Variants in KCNIP4 observed in about 807,000 individuals in gnomAD.
The protein encoded by KCNIP4 is potassium voltage-gated channel interacting protein 4.
Under a neutral mutation model 34.0 loss-of-function variants are expected in KCNIP4, and 12 were observed. The ratio of observed to expected loss-of-function variants is 0.35; its 90% CI spans 0.23 to 0.57. The LOEUF is 0.57. KCNIP4 is among the 20% of genes least tolerant of loss of function. KCNIP4 has a pLI of 0.83. For missense variants in KCNIP4, 238 were observed against 311.7 expected (o/e 0.76, Z 1.78); for synonymous variants, 124 against 102.2 (o/e 1.21, Z -1.29).
At chr4:21,636,371 A>C (rs186014702) in intron 1 of KCNIP4, among the ~76,000 whole-genome samples, 22 of 152,300 alleles carry the variant, frequency 1.4e-4, no homozygotes, top group Non-Finnish European at 2.5e-4. Context: ...AACTACTGCC[A>C]AGAAACGGAA....
chr4:20,993,693 C>CT (rs201665217), intron 1 of KCNIP4, among the ~76,000 whole-genome samples: 1,526 of 152,322 alleles, frequency 0.01, 28 homozygotes, highest in African/African-American at 0.034. Flanking sequence ...TTATTGTACC[C>CT]ATTACTATAA....
intron 1 of KCNIP4, among the ~76,000 whole-genome samples, chr4:21,418,546 CAG>C (rs1201344931): frequency 6.6e-6 from 1 of 152,050 alleles, no homozygotes; most frequent in Non-Finnish European, 1.5e-5. Context: ...TTATGAAACA[CAG>C]AGATTATATA....
rs111968781 is a variant in KCNIP4, at chr4:21,658,749, G to A, written c.61+289822C>T. Among the ~76,000 whole-genome samples, 993 of 152,184 alleles carry A rather than the reference G, an allele frequency of 6.5e-3. 11 individuals are homozygous for A. The highest frequency in any genetic ancestry group is 0.023 in the African/African-American group (951 of 41,524). On this transcript the variant is annotated intron_variant, in intron 1 of 8. Coordinates refer to ENST00000382152, the MANE Select transcript of KCNIP4 (RefSeq NM_025221.6). ...CAACACACTTTGGTTTTGATGGGGT[G>A]GGGGCAGAATAGTGAAGCATACAGC...
At chr4:21,501,246 T>TCACACA (rs1309846168) in intron 1 of KCNIP4, among the ~76,000 whole-genome samples, 14 of 93,524 alleles carry the variant, frequency 1.5e-4, no homozygotes, top group African/African-American at 3.5e-4. Context: ...TCTCTCTCTC[T>TCACACA]CTCACACACA....
At chr4:20,886,200 T>C (rs1435506288) in intron 1 of KCNIP4, among the ~76,000 whole-genome samples, 1 of 152,198 alleles carries the variant, frequency 6.6e-6, no homozygotes, top group Admixed American at 6.5e-5. Context: ...TTTCCAAGAA[T>C]TGAACAATAA....
At chr4:21,452,810 AAGTCCTTTTTGAAAAAGTCCTT>A (rs1301659539) in intron 1 of KCNIP4, among the ~76,000 whole-genome samples, 2 of 150,384 alleles carry the variant, frequency 1.3e-5, no homozygotes, top group Non-Finnish European at 3.0e-5. Flanking sequence ...AGAAAAAAAG[AAGTCCTTTTTGAAAAAGTCCTT>A]CATAATACTT....
chr4:21,223,499 G>A (rs570915980), intron 1 of KCNIP4, among the ~76,000 whole-genome samples: 1 of 152,274 alleles, frequency 6.6e-6, no homozygotes, highest in Non-Finnish European at 1.5e-5. Context: ...AATCGTCTCA[G>A]CAGTTCAATC....
intron 1 of KCNIP4, among the ~76,000 whole-genome samples, chr4:21,552,064 AAC>A (rs3050001): frequency 0.41 from 60,685 of 148,092 alleles, 13,281 homozygotes; most frequent in East Asian, 0.68. Flanking sequence ...AAAAAACAAC[AAC>A]AAAAAAAAAC....
intron 1 of KCNIP4, among the ~76,000 whole-genome samples, chr4:21,219,043 A>C (rs566201694): frequency 1.5e-4 from 23 of 152,276 alleles, no homozygotes; most frequent in Non-Finnish European, 2.8e-4. Flanking sequence ...TAAATTGATA[A>C]AATTCATTGG....
At chr4:20,780,880 G>A (rs971684448) in intron 3 of KCNIP4, among the ~76,000 whole-genome samples, 1 of 152,110 alleles carries the variant, frequency 6.6e-6, no homozygotes, top group Admixed American at 6.5e-5. Flanking sequence ...ATGGGTTTTT[G>A]TTACATGTAC....
At position 20,734,725 on chromosome 4, in the gene KCNIP4, T is replaced by A. The variant is rs762254961; in HGVS notation, c.440A>T (p.Lys147Ile). 1 of 1,560,218 alleles carries A rather than the reference T, an allele frequency of 6.4e-7. No homozygotes were observed. The highest frequency in any genetic ancestry group is 8.7e-7 in the Non-Finnish European group (1 of 1,152,540). ...CCCCCGGAGCAAAATGGAAAGACCTTTGATGAAATCCTGAAAAGAAATAAA... is the reference window on the plus strand; with the variant it reads ...CCCCCGGAGCAAAATGGAAAGACCTATGATGAAATCCTGAAAAGAAATAAA... The part of the protein sequence containing the change: ...NGAVSFEDFI[K>I]GLSILLRGTV... Residue 147 changes from lysine to isoleucine, a missense_variant, in exon 6 of 9, where the codon AAA (lysine) becomes ATA (isoleucine). Coordinates refer to ENST00000382152, the MANE Select transcript of KCNIP4 (RefSeq NM_025221.6).
chr4:21,636,828 A>G (rs1304371476), intron 1 of KCNIP4, among the ~76,000 whole-genome samples: 4 of 152,202 alleles, frequency 2.6e-5, no homozygotes, highest in African/African-American at 9.7e-5. Flanking sequence ...ATTACTTAAC[A>G]CAAAGCAATA....
chr4:20,978,161 G>A (rs189885834), intron 1 of KCNIP4, among the ~76,000 whole-genome samples: 26 of 152,188 alleles, frequency 1.7e-4, no homozygotes, highest in Admixed American at 1.4e-3. Context: ...TATCTCCCTG[G>A]CTCAGGAGTT....
At chr4:21,033,966 A>T (rs1232057627) in intron 1 of KCNIP4, among the ~76,000 whole-genome samples, 3 of 152,136 alleles carry the variant, frequency 2.0e-5, no homozygotes, top group Non-Finnish European at 4.4e-5. Context: ...TGTTAAAAAT[A>T]TTTTTCTGCG....
intron 1 of KCNIP4, among the ~76,000 whole-genome samples, chr4:21,529,541 T>C (rs1309090896): frequency 1.3e-5 from 2 of 151,848 alleles, no homozygotes; most frequent in African/African-American, 4.8e-5. Flanking sequence ...TCAATCTTAG[T>C]TTTTTTTATC....
intron 1 of KCNIP4, among the ~76,000 whole-genome samples, chr4:21,635,480 A>C (rs139238542): frequency 3.3e-5 from 5 of 152,318 alleles, no homozygotes; most frequent in African/African-American, 1.2e-4. Context: ...TGGGCGAAGG[A>C]CATGAACAGA....
intron 1 of KCNIP4, among the ~76,000 whole-genome samples, chr4:21,244,120 T>A (rs1305529074): frequency 2.0e-5 from 3 of 152,232 alleles, no homozygotes; most frequent in Non-Finnish European, 4.4e-5. Context: ...CATTCATTTT[T>A]AAATTTATCT....
chr4:21,655,936 C>T (rs1387866679), intron 1 of KCNIP4, among the ~76,000 whole-genome samples: 1 of 152,220 alleles, frequency 6.6e-6, no homozygotes, highest in Non-Finnish European at 1.5e-5. Context: ...TTATCCTTAA[C>T]TGATGACTGA....
intron 1 of KCNIP4, among the ~76,000 whole-genome samples, chr4:21,074,065 C>T (rs939853988): frequency 6.6e-6 from 1 of 152,144 alleles, no homozygotes; most frequent in Non-Finnish European, 1.5e-5. Flanking sequence ...ATTTTTGCAT[C>T]AGTGTTCATC....
Sources: gnomAD v4.1 joint callset for allele counts (sites outside exome capture counted in the v4.1 genomes callset) on GRCh38, gnomAD v4.1.1 for gene constraint, MANE v1.5 for transcripts, NCBI Gene and HGNC (gene_info 2026-07-23, HGNC 2026-07-21) for gene names.